The following PCDHGB4 variants were observed in gnomAD, a reference collection of about 807,000 sequenced individuals.
The protein encoded by PCDHGB4 is protocadherin gamma subfamily B, 4.
In PCDHGB4, 38 loss-of-function variants were observed where a neutral mutation model predicts 60.5. The ratio of observed to expected loss-of-function variants is 0.63; its 90% CI spans 0.48 to 0.82. The LOEUF is 0.82. Among genes scored for constraint, PCDHGB4 ranks in the 40% least tolerant of loss-of-function variants. The pLI is 0.00. For missense variants in PCDHGB4, 1,109 were observed against 1,209.6 expected, an observed-to-expected ratio of 0.92 and a Z score of 1.23; for synonymous variants, 456 against 509.7, an observed-to-expected ratio of 0.89 and a Z score of 1.42.
intron 1 of PCDHGB4, among the ~76,000 whole-genome samples, chr5:141,460,758 C>T (rs1292050905): frequency 6.6e-6 from 1 of 150,582 alleles, no homozygotes; most frequent in African/African-American, 2.4e-5. Context: ...TGTACATATA[C>T]ATATTGCATA....
At chr5:141,484,880 T>G (rs1258072805) in intron 1 of PCDHGB4, 3 of 336,846 alleles carry the variant, frequency 8.9e-6, no homozygotes, top group Admixed American at 9.2e-5. Flanking sequence ...GAGGATAGGG[T>G]GGGCTTTTTC....
intron 1 of PCDHGB4, chr5:141,394,971 C>T: frequency 6.2e-7 from 1 of 1,613,938 alleles, no homozygotes. Context: ...GAGGCGCTGG[C>T]ACAAGTCACG....
intron 1 of PCDHGB4, chr5:141,408,336 C>T: frequency 6.2e-7 from 1 of 1,613,910 alleles, no homozygotes; most frequent in Non-Finnish European, 8.5e-7. Flanking sequence ...GCCAAGGGCT[C>T]GGTGGTGGGG....
intron 1 of PCDHGB4, chr5:141,391,108 A>G (rs1253319004): frequency 6.6e-6 from 1 of 152,138 alleles, no homozygotes; most frequent in African/African-American, 2.4e-5. Flanking sequence ...CTAAACTAAT[A>G]TAGCTAGAGG....
At chr5:141,390,458 G>A (rs1037400063) in intron 1 of PCDHGB4, 177 bp downstream of exon 1, 7 of 754,546 alleles carry the variant, frequency 9.3e-6, no homozygotes, top group Non-Finnish European at 1.5e-5. Context: ...AGTAAAGTAG[G>A]AGCAATTGTG....
intron 1 of PCDHGB4, chr5:141,416,446 G>A (rs192789193): frequency 8.5e-5 from 13 of 152,284 alleles, no homozygotes; most frequent in East Asian, 5.8e-4. Context: ...GTAAATATGG[G>A]TTGGGAAGAC....
chr5:141,417,785 A>C (rs1273908599), intron 1 of PCDHGB4: 22 of 1,476,018 alleles, frequency 1.5e-5, no homozygotes, highest in Non-Finnish European at 1.7e-5. Context: ...TCCTGGGCCG[A>C]ATGCTCTTTT....
Position 141,476,144 on chromosome 5 carries a change from C to T in PCDHGB4, c.2398-18663C>T. ...GGTCCCAGAGGCCTGGAGGAGCGGA[C>T]TGGTAAGCACCGGGAGGGTAGTGGG... is the stretch of plus-strand genomic sequence containing the variant. On this transcript the variant is annotated intron_variant, in intron 1 of 3. Transcript: ENST00000519479. This position sits in a 1 kb window ranked among gnomAD's most constrained non-coding sequence, Gnocchi z 7.6. 6.2e-7 allele frequency: 1 copy of T among 1,610,510 alleles called. No individual in the cohort carries two copies. The highest frequency in any genetic ancestry group is 1.3e-5 in the African/African-American group (1 of 75,014).
Position 141,464,802 on chromosome 5 carries a change from A to G in PCDHGB4, c.2398-30005A>G, listed in dbSNP as rs545738780. ...TGCCCAGGCCAAATTGCAGTGATGC[A>G]GTCATAGCTCACTGTAGCCTCGCAC... On this transcript the variant is annotated intron_variant, in intron 1 of 3. Transcript: ENST00000519479. Among the ~76,000 whole-genome samples, 25 of 152,032 alleles carry G rather than the reference A, an allele frequency of 1.6e-4. No homozygotes were observed. In the East Asian group the frequency reaches 4.8e-3, roughly 29 times the overall value.
chr5:141,413,555 T>C (rs1270604020), intron 1 of PCDHGB4: 1 of 1,613,852 alleles, frequency 6.2e-7, no homozygotes. Flanking sequence ...GAAATAGAAG[T>C]AACTGATATC....
At position 141,421,063 on chromosome 5, in the gene PCDHGB4, G is replaced by A. The variant is rs575695102; in HGVS notation, c.2397+30782G>A. 4.7e-4 allele frequency: 274 copies of A among 581,982 alleles called. 4 individuals are homozygous for A. The South Asian group carries it at 6.4e-3, about 14-fold the overall frequency. 36.1% of individuals were successfully genotyped at this position (581,982 alleles called of 1,614,324 possible). On this transcript the variant is annotated intron_variant, in intron 1 of 3. Transcript: ENST00000519479. ...CTCCCCCGCCTCTACCACACAAAGC[G>A]GAATGAGATGGATACTCACAGATCC... is the stretch of plus-strand genomic sequence containing the variant.
Position 141,487,904 on chromosome 5 carries a change from G to A in PCDHGB4, c.2398-6903G>A, listed in dbSNP as rs1229814755. On this transcript the variant is annotated intron_variant, in intron 1 of 3. Coordinates refer to ENST00000519479, the MANE Select transcript of PCDHGB4 (RefSeq NM_003736.4). The surrounding 1 kb of genome is among the most constrained non-coding windows in gnomAD (Gnocchi z 5.0). ...TGTGGAAGCATGATGATGGAATGTG[G>A]GAGCACAGGAGGCTACAGTGCACAG... 8.8e-6 allele frequency: 6 copies of A among 685,686 alleles called. No individual in the cohort carries two copies. The highest frequency in any genetic ancestry group is 1.5e-5 in the Non-Finnish European group (6 of 410,118). 42.5% of individuals were successfully genotyped at this position (685,686 alleles called of 1,614,324 possible). A position where few individuals can be genotyped will look rare whatever the true frequency, so the allele number is the denominator to read the frequency against.
Position 141,489,646 on chromosome 5 carries a change from C to G in PCDHGB4, c.2398-5161C>G, listed in dbSNP as rs1274955075. The G allele has an allele frequency of 1.2e-6, 2 of 1,614,186 alleles. No individual in the cohort carries two copies. Among genetic ancestry groups the G allele is most frequent in the Non-Finnish European group, 1.7e-6 (2 of 1,180,022 alleles). ...TGACAACTCTCCTAGCTTTGCCACC[C>G]CTGAGCGAGAGATGCGCATCTCAGA... On this transcript the variant is annotated intron_variant, in intron 1 of 3. Coordinates refer to ENST00000519479, the MANE Select transcript of PCDHGB4 (RefSeq NM_003736.4). The surrounding 1 kb of genome is among the most constrained non-coding windows in gnomAD (Gnocchi z 4.5).
At chr5:141,397,361 G>A (rs2093513931) in intron 1 of PCDHGB4, among the ~76,000 whole-genome samples, 1 of 152,164 alleles carries the variant, frequency 6.6e-6, no homozygotes. Flanking sequence ...TCAGGAAGAG[G>A]AGATGTTTGG....
chr5:141,437,165 T>A (rs62379162), intron 1 of PCDHGB4, among the ~76,000 whole-genome samples: 3,747 of 152,330 alleles, frequency 0.025, 69 homozygotes, highest in Middle Eastern at 0.085. Context: ...TGTTGATTGT[T>A]TTCTGAGACT....
At chr5:141,405,022 C>T in intron 1 of PCDHGB4, 6 of 1,613,976 alleles carry the variant, frequency 3.7e-6, no homozygotes, top group Non-Finnish European at 5.1e-6. Context: ...CAGACCTTAC[C>T]CTCTACCTCG....
At chr5:141,504,643 G>A (rs1049421626) in intron 2 of PCDHGB4, among the ~76,000 whole-genome samples, 3 of 124,276 alleles carry the variant, frequency 2.4e-5, no homozygotes, top group African/African-American at 9.0e-5. Flanking sequence ...AAGGTTTGAT[G>A]ATAGAGTGTT....
chr5:141,398,783 A>G (rs1300541880), intron 1 of PCDHGB4: 4 of 1,613,944 alleles, frequency 2.5e-6, no homozygotes, highest in Non-Finnish European at 3.4e-6. Flanking sequence ...GACGGTGGAC[A>G]TCCACCCCTA....
At chr5:141,408,962 A>G (rs1561716536) in intron 1 of PCDHGB4, 3 of 1,613,638 alleles carry the variant, frequency 1.9e-6, no homozygotes, top group Admixed American at 3.3e-5. Flanking sequence ...TCTTAGTGAA[A>G]ATCTGCCCCC....
Sources: gnomAD v4.1 joint callset for allele counts (sites outside exome capture counted in the v4.1 genomes callset) on GRCh38, gnomAD v4.1.1 for gene constraint, Gnocchi (gnomAD v3.1) non-coding constraint, MANE v1.5 for transcripts, NCBI Gene and HGNC (gene_info 2026-07-23, HGNC 2026-07-21) for gene names.